Variants in CCDC18 observed in about 807,000 individuals in gnomAD.
CCDC18 encodes the protein coiled-coil domain-containing protein 18.
In CCDC18, 157 loss-of-function variants were observed where a neutral mutation model predicts 196.0. The observed-to-expected ratio is 0.80, with a 90% CI of 0.70 to 0.91. CCDC18 has a LOEUF of 0.91. Ranked by LOEUF, CCDC18 falls within the 40% of genes least tolerant of loss-of-function variation. The pLI, the probability that CCDC18 is intolerant of heterozygous loss-of-function variation, is 0.00. For synonymous variants in CCDC18, 482 were observed against 529.2 expected (o/e 0.91, Z 1.22); for missense variants, 1,465 against 1,611.6 (o/e 0.91, Z 1.56).
chr1:93,265,779 C>G (rs1343139979), intron 27 of CCDC18, among the ~76,000 whole-genome samples: 1 of 152,128 alleles, frequency 6.6e-6, no homozygotes, highest in Non-Finnish European at 1.5e-5. Context: ...TACAGGAGCA[C>G]CCAGATTCAT....
chr1:93,238,819 A>G (rs1660389811), intron 19 of CCDC18, among the ~76,000 whole-genome samples: 1 of 152,200 alleles, frequency 6.6e-6, no homozygotes, highest in South Asian at 2.1e-4. Flanking sequence ...TCCTCTGTAA[A>G]GCAGGGAAGT....
intron 17 of CCDC18, among the ~76,000 whole-genome samples, chr1:93,227,691 C>T (rs186147848): frequency 3.6e-4 from 54 of 151,992 alleles, no homozygotes; most frequent in Admixed American, 9.8e-4. Flanking sequence ...TTGTTGCTCA[C>T]GCCTATAAGC....
intron 19 of CCDC18, among the ~76,000 whole-genome samples, chr1:93,238,170 T>C (rs1259963445): frequency 6.6e-6 from 1 of 152,232 alleles, no homozygotes; most frequent in Non-Finnish European, 1.5e-5. Context: ...TATGCCAATC[T>C]CTTTTGATTA....
chr1:93,264,768 A>G lies in CCDC18; in HGVS notation c.3752A>G (p.Gln1251Arg). ...ISADSQKSSV[Q>R]QLNEQLEKAK... ...GCTGACTCTCAAAAGTCTTCTGTTC[A>G]GCAACTAAACGAACAGTTAGAGAAG... Residue 1251 changes from glutamine (Q) to arginine (R), a missense_variant, in exon 27 of 29, where the codon CAG becomes CGG. Gln to Arg is a conservative substitution (Grantham distance 43). Coordinates refer to ENST00000690025, the MANE Select transcript of CCDC18 (RefSeq NM_001378204.1). 1 of 1,613,222 alleles carries G rather than the reference A, an allele frequency of 6.2e-7. No homozygotes were observed. Among genetic ancestry groups the G allele is most frequent in the Non-Finnish European group, 8.5e-7 (1 of 1,179,296 alleles).
rs1459991334 is a variant in CCDC18, at chr1:93,232,422, C to T, written c.2293-4C>T. 1.3e-6 allele frequency: 2 copies of T among 1,526,528 alleles called. No individual in the cohort carries two copies. The highest frequency in any genetic ancestry group is 1.9e-5 in the Admixed American group (1 of 52,138). The allele number at this position is 1,526,528 out of a possible 1,614,324, so 94.6% of individuals were successfully genotyped here. The stretch of plus-strand genomic sequence containing the variant: ...ATTGAGAGATATATATATATATTTG[C>T]CAGGTATATTGTTTACAGAAAGAGC... On this transcript the variant is annotated splice_polypyrimidine_tract_variant and splice_region_variant and intron_variant, in intron 17 of 28. Transcript: ENST00000690025.
At chr1:93,186,221 AT>A in intron 3 of CCDC18, 123 bp from the exon 4 acceptor site, 1 of 834,412 alleles carries the variant, frequency 1.2e-6, no homozygotes, top group South Asian at 1.6e-5. Flanking sequence ...CTCACTAAGT[AT>A]TTTAACTCAT....
At chr1:93,180,024 G>T (rs748290061), upstream of CCDC18, 8 of 1,600,884 alleles carry the variant, frequency 5.0e-6, no homozygotes, top group South Asian at 7.8e-5. Flanking sequence ...TGGGTTAAAG[G>T]AAGGAGGCTG....
At position 93,239,851 on chromosome 1, in the gene CCDC18, T is replaced by C. The variant is rs764868486; in HGVS notation, c.2936T>C (p.Leu979Ser). The C allele has an allele frequency of 5.0e-6, 8 of 1,613,006 alleles. No individual in the cohort carries two copies. Among genetic ancestry groups the C allele is most frequent in the South Asian group, 1.1e-5 (1 of 91,030 alleles). The stretch of plus-strand genomic sequence containing the variant: ...GTACTACAGAAGGCTCAATTATCAT[T>C]AGAGGAAAAATACACTACTATAAAG... ...RDVLQKAQLS[L>S]EEKYTTIKDL... Residue 979 changes from leucine to serine, a missense_variant, in exon 21 of 29, where the codon TTA becomes TCA. Coordinates refer to ENST00000690025, the MANE Select transcript of CCDC18 (RefSeq NM_001378204.1).
intron 21 of CCDC18, among the ~76,000 whole-genome samples, chr1:93,245,791 A>C (rs1296966723): frequency 6.6e-6 from 1 of 152,134 alleles, no homozygotes; most frequent in African/African-American, 2.4e-5. Context: ...AAATGTGGAT[A>C]TGTATTTTTA....
At chr1:93,218,675 A>G (rs1656901898) in intron 14 of CCDC18, among the ~76,000 whole-genome samples, 2 of 152,014 alleles carry the variant, frequency 1.3e-5, no homozygotes, top group Non-Finnish European at 2.9e-5. Context: ...AAGCCTGGCT[A>G]ATTTTTGTAT....
chr1:93,192,363 C>T (rs1173042170), intron 5 of CCDC18, among the ~76,000 whole-genome samples: 1 of 152,210 alleles, frequency 6.6e-6, no homozygotes, highest in Admixed American at 6.5e-5. Context: ...TAGTTCATTT[C>T]TTCACCTACA....
chr1:93,230,438 G>A (rs1434701560), intron 17 of CCDC18, among the ~76,000 whole-genome samples: 1 of 151,476 alleles, frequency 6.6e-6, no homozygotes, highest in African/African-American at 2.4e-5. Context: ...CTTGCAGTGA[G>A]CCGAGATCGC....
At chr1:93,213,556 ATGTGT>A (rs1656026546) in intron 11 of CCDC18, among the ~76,000 whole-genome samples, 2 of 151,510 alleles carry the variant, frequency 1.3e-5, no homozygotes, top group African/African-American at 4.9e-5. Flanking sequence ...ACTTTTTTTA[ATGTGT>A]TGTATTTTCA....
intron 24 of CCDC18, among the ~76,000 whole-genome samples, chr1:93,255,631 G>A (rs2101078563): frequency 6.6e-6 from 1 of 152,212 alleles, no homozygotes; most frequent in East Asian, 1.9e-4. Flanking sequence ...AGCTACTTGG[G>A]AGGCTGAGAT....
intron 23 of CCDC18, among the ~76,000 whole-genome samples, chr1:93,252,019 G>GTCTATCTATCTATCTATCTA (rs55887771): frequency 0.011 from 1,714 of 150,340 alleles, 22 homozygotes; most frequent in African/African-American, 0.029. Context: ...CTATCTGTCT[G>GTCTATCTATCTATCTATCTA]TCTATCTATC....
chr1:93,223,482 C>T (rs1192756732), intron 16 of CCDC18, among the ~76,000 whole-genome samples: 2 of 152,140 alleles, frequency 1.3e-5, no homozygotes, highest in African/African-American at 4.8e-5. Context: ...GTTCATGTCT[C>T]TCAACATGCC....
intron 12 of CCDC18, among the ~76,000 whole-genome samples, chr1:93,215,322 A>G (rs1252985394): frequency 1.3e-5 from 2 of 152,172 alleles, no homozygotes; most frequent in African/African-American, 4.8e-5. Context: ...GAGTGATAAT[A>G]AAGGATTTCA....
upstream of CCDC18, chr1:93,180,388 C>T: frequency 8.0e-7 from 1 of 1,245,298 alleles, no homozygotes; most frequent in Non-Finnish European, 1.1e-6. Context: ...GCGAACACTC[C>T]CTCCGAAAGA....
rs571667620 is a variant in CCDC18 at position 93,217,812 on chromosome 1, A to G, written c.1905A>G (p.Glu635=). 1.1e-5 allele frequency: 17 copies of G among 1,612,830 alleles called. No homozygotes were observed. The African/African-American group carries it at 1.7e-4, about 16-fold the overall frequency. ...ATGAGAAAATTTGTTTAGCCTTTGA[A>G]AAAGCAAAGAAAATTCACTTGGAAC... ...TEHEKICLAF[E]KAKKIHLEQH... is the part of the protein sequence containing the mutation. Residue 635 remains glutamate (E), a synonymous_variant, in exon 14 of 29, where the codon GAA becomes GAG. Coordinates refer to ENST00000690025, the MANE Select transcript of CCDC18 (RefSeq NM_001378204.1).
Sources: gnomAD v4.1 joint callset for allele counts (sites outside exome capture counted in the v4.1 genomes callset) on GRCh38, gnomAD v4.1.1 for gene constraint, MANE v1.5 for transcripts, NCBI Gene and HGNC (gene_info 2026-07-23, HGNC 2026-07-21) for gene names.